MAP2: variants seen among roughly 807,000 people sequenced by gnomAD.
MAP2 encodes microtubule-associated protein 2.
MAP2 carries 14 observed loss-of-function variants against 137.6 expected under a neutral mutation model. The observed-to-expected ratio is 0.10, with a 90% CI of 0.07 to 0.16. The LOEUF is 0.16. MAP2 is among the 10% of genes least tolerant of loss of function. The pLI is 1.00. For missense variants in MAP2, 2,088 were observed against 2,191.5 expected, an observed-to-expected ratio of 0.95 and a Z score of 0.94; for synonymous variants, 786 against 782.3, an observed-to-expected ratio of 1.00 and a Z score of -0.08.
chr2:209,609,216 C>G (rs2085923886), intron 3 of MAP2, among the ~76,000 whole-genome samples: 1 of 151,652 alleles, frequency 6.6e-6, no homozygotes, highest in South Asian at 2.1e-4. Flanking sequence ...AGGCTTAAAA[C>G]TCTGAAAAAA....
chr2:209,465,806 A>G (rs957951083), intron 1 of MAP2, among the ~76,000 whole-genome samples: 1 of 152,122 alleles, frequency 6.6e-6, no homozygotes, highest in African/African-American at 2.4e-5. Context: ...CTCCTGTTCT[A>G]GTTGTGCAGA....
At chr2:209,486,864 G>A (rs1272304969) in intron 1 of MAP2, among the ~76,000 whole-genome samples, 1 of 152,170 alleles carries the variant, frequency 6.6e-6, no homozygotes, top group East Asian at 1.9e-4. Context: ...AATGGAATCT[G>A]AGGAAGTACT....
At chr2:209,445,960 C>T (rs1442210873) in intron 1 of MAP2, among the ~76,000 whole-genome samples, 1 of 151,362 alleles carries the variant, frequency 6.6e-6, no homozygotes, top group African/African-American at 2.4e-5. Context: ...TTATAGAATA[C>T]CATAAAAAAA....
At chr2:209,500,415 G>A (rs2060235728) in intron 1 of MAP2, among the ~76,000 whole-genome samples, 1 of 152,022 alleles carries the variant, frequency 6.6e-6, no homozygotes, top group Non-Finnish European at 1.5e-5. Context: ...GTGTTGTCCT[G>A]TCCATTGTCT....
At chr2:209,639,830 A>G (rs2093869094) in intron 4 of MAP2, among the ~76,000 whole-genome samples, 1 of 151,610 alleles carries the variant, frequency 6.6e-6, no homozygotes, top group African/African-American at 2.4e-5. Context: ...ACTCTGTGCC[A>G]CACACTGTAC....
chr2:209,459,392 C>G (rs531098152), intron 1 of MAP2, among the ~76,000 whole-genome samples: 1 of 152,260 alleles, frequency 6.6e-6, no homozygotes, highest in African/African-American at 2.4e-5. Flanking sequence ...TTATTTTCCT[C>G]TGGAACTTAC....
At chr2:209,446,389 A>C (rs1699058476) in intron 1 of MAP2, among the ~76,000 whole-genome samples, 1 of 151,724 alleles carries the variant, frequency 6.6e-6, no homozygotes, top group Admixed American at 6.6e-5. Flanking sequence ...GAAAGATCCC[A>C]AGGGTAGCTT....
chr2:209,482,512 G>A (rs2149844478), intron 1 of MAP2, among the ~76,000 whole-genome samples: 1 of 152,270 alleles, frequency 6.6e-6, no homozygotes, highest in East Asian at 1.9e-4. Context: ...GGCAATATGT[G>A]TTCAGGTTGA....
chr2:209,608,291 CT>C (rs35075084), intron 3 of MAP2, among the ~76,000 whole-genome samples: 6,773 of 145,780 alleles, frequency 0.046, 337 homozygotes, highest in South Asian at 0.23. Flanking sequence ...TCCTTGGAAT[CT>C]TTTTTTTTTT....
chr2:209,666,549 G>A (rs183018229), intron 5 of MAP2, among the ~76,000 whole-genome samples: 44 of 152,126 alleles, frequency 2.9e-4, no homozygotes, highest in Admixed American at 1.6e-3. Flanking sequence ...AATGTGTTAT[G>A]AAATGCTCTG....
rs189493016 is a variant in MAP2, at chr2:209,645,355, G to A, written c.-29-7787G>A. Among the ~76,000 whole-genome samples the A allele has an allele frequency of 8.6e-5, 13 of 151,988 alleles. No individual in the cohort carries two copies. The East Asian group carries it at 2.5e-3, about 29-fold the overall frequency. ...TATTTGGCTGTCTCCAATATAATAA[G>A]TCATTTATCATTTTAAAGTTATTAT... On this transcript the variant is annotated intron_variant, in intron 4 of 15. Coordinates refer to ENST00000682079, the MANE Select transcript of MAP2 (RefSeq NM_001375505.1).
intron 1 of MAP2, among the ~76,000 whole-genome samples, chr2:209,471,785 A>T (rs1705796471): frequency 6.6e-6 from 1 of 152,158 alleles, no homozygotes; most frequent in Non-Finnish European, 1.5e-5. Context: ...TTAGGTTTTA[A>T]AATGCCAAAT....
chr2:209,627,802 G>A (rs890327492), intron 4 of MAP2, among the ~76,000 whole-genome samples: 2 of 152,146 alleles, frequency 1.3e-5, no homozygotes, highest in Non-Finnish European at 2.9e-5. Context: ...ACCACTAAAT[G>A]TGACTATTTA....
intron 1 of MAP2, among the ~76,000 whole-genome samples, chr2:209,446,701 A>G (rs183542919): frequency 2.0e-5 from 3 of 152,000 alleles, no homozygotes; most frequent in African/African-American, 7.2e-5. Flanking sequence ...GAATAAGTAC[A>G]TCTTGTTTTC....
intron 2 of MAP2, among the ~76,000 whole-genome samples, chr2:209,577,055 G>T (rs2075476695): frequency 1.3e-5 from 2 of 152,258 alleles, no homozygotes; most frequent in South Asian, 4.1e-4. Flanking sequence ...TATGATTCAT[G>T]TTCCCAGACA....
intron 5 of MAP2, among the ~76,000 whole-genome samples, chr2:209,670,793 G>A (rs1278935565): frequency 6.6e-6 from 1 of 151,898 alleles, no homozygotes; most frequent in Non-Finnish European, 1.5e-5. Flanking sequence ...GGCGGGATCA[G>A]TCAAAATTTG....
intron 1 of MAP2, among the ~76,000 whole-genome samples, chr2:209,491,160 C>G (rs1055828679): frequency 2.0e-5 from 3 of 152,148 alleles, no homozygotes; most frequent in Non-Finnish European, 4.4e-5. Flanking sequence ...AACTGCATAA[C>G]TACAGGGAAA....
At chr2:209,636,012 A>G (rs995242435) in intron 4 of MAP2, among the ~76,000 whole-genome samples, 1 of 152,216 alleles carries the variant, frequency 6.6e-6, no homozygotes, top group Non-Finnish European at 1.5e-5. Flanking sequence ...ATTCTTCCTA[A>G]GAAGTGTGAT....
chr2:209,702,118 T>C (rs13419651), intron 11 of MAP2, among the ~76,000 whole-genome samples: 1,912 of 152,140 alleles, frequency 0.013, 39 homozygotes, highest in African/African-American at 0.044. Context: ...GGAGCAGATA[T>C]AGAAAATAAG....
Sources: allele counts gnomAD v4.1 joint callset (sites outside exome capture counted in the v4.1 genomes callset), GRCh38; gene constraint gnomAD v4.1.1; transcripts MANE v1.5; gene names NCBI Gene and HGNC (gene_info 2026-07-23, HGNC 2026-07-21).